The following GFM1 variants were observed in gnomAD, a reference collection of about 807,000 sequenced individuals.
GFM1 encodes G elongation factor mitochondrial 1.
GFM1 carries 62 observed loss-of-function variants against 96.2 expected under a neutral mutation model. The ratio of observed to expected loss-of-function variants is 0.64; its 90% CI spans 0.53 to 0.80. GFM1 has a LOEUF of 0.80. Ranked by LOEUF, GFM1 falls within the 30% of genes least tolerant of loss-of-function variation. GFM1 has a pLI of 0.00. For synonymous variants in GFM1, 282 were observed against 312.9 expected (o/e 0.90, Z 1.04); for missense variants, 852 against 916.6 (o/e 0.93, Z 0.91).
rs1263824820 is a variant in GFM1 at position 158,665,467 on chromosome 3, A to G, written c.1511A>G (p.Tyr504Cys). The G allele has an allele frequency of 1.2e-6, 2 of 1,609,722 alleles. No individual in the cohort carries two copies. Among genetic ancestry groups the G allele is most frequent in the East Asian group, 4.5e-5 (2 of 44,790 alleles). Reference protein sequence around the residue: ...SGMGELHLEIYAQRLEREYGC... With the variant: ...SGMGELHLEICAQRLEREYGC... ...ATGGGAGAATTACACCTGGAAATCT[A>G]TGCTCAGGTAATGAATAATAAGGAA... is the stretch of plus-strand genomic sequence containing the variant. Residue 504 changes from tyrosine (Y) to cysteine (C), a missense_variant, in exon 12 of 18, where the codon TAT becomes TGT. Coordinates refer to ENST00000486715, the MANE Select transcript of GFM1 (RefSeq NM_024996.7).
intron 9 of GFM1, 51 bp downstream of exon 9, chr3:158,659,110 T>C (rs763747215): frequency 1.4e-5 from 23 of 1,599,218 alleles, no homozygotes; most frequent in Non-Finnish European, 8.6e-6. Flanking sequence ...GTGGGTGAAA[T>C]AGACCCTTCT....
chr3:158,644,827 T>A (rs1026668201), intron 1 of GFM1, 112 bp downstream of exon 1: 4 of 872,834 alleles, frequency 4.6e-6, no homozygotes, highest in African/African-American at 3.3e-5. Context: ...CAGCTCCGAA[T>A]ACTGGCAGTC....
intron 14 of GFM1, among the ~76,000 whole-genome samples, chr3:158,684,138 G>A (rs978683077): frequency 6.6e-6 from 1 of 152,108 alleles, no homozygotes; most frequent in African/African-American, 2.4e-5. Flanking sequence ...GCTTATAAAT[G>A]AGAGCTAAAT....
intron 15 of GFM1, among the ~76,000 whole-genome samples, chr3:158,688,891 A>C (rs1032052426): frequency 2.6e-5 from 4 of 152,218 alleles, no homozygotes; most frequent in Admixed American, 2.0e-4. Context: ...CTGTTGTCAT[A>C]ATTATTGCAC....
chr3:158,650,418 C>G (rs1156419476), intron 5 of GFM1: 5 of 242,960 alleles, frequency 2.1e-5, no homozygotes, highest in African/African-American at 1.1e-4. Flanking sequence ...TTTCTGTTGT[C>G]AGAAGTAGAG....
intron 13 of GFM1, chr3:158,669,511 T>A: frequency 6.2e-7 from 1 of 1,613,988 alleles, no homozygotes. Flanking sequence ...TCATCTGGAT[T>A]CTTTCCAGTT....
rs1228810268 is a variant in GFM1, at chr3:158,644,541, G to C, written c.-94G>C. On this transcript the variant is annotated 5_prime_UTR_variant, in exon 1 of 18. Coordinates refer to ENST00000486715, the MANE Select transcript of GFM1 (RefSeq NM_024996.7). Reference sequence around the variant, plus strand: ...GCCCCGGAAGTGCTCTTACAACATTGGCTGCCGGCGTGACTTTGACCGCTT... The same window carrying C: ...GCCCCGGAAGTGCTCTTACAACATTCGCTGCCGGCGTGACTTTGACCGCTT... 5 of 976,662 alleles carry C rather than the reference G, an allele frequency of 5.1e-6. No individual in the cohort carries two copies. The highest frequency in any genetic ancestry group is 7.9e-6 in the Non-Finnish European group (5 of 630,706). 60.5% of individuals were successfully genotyped at this position (976,662 alleles called of 1,614,324 possible).
intron 15 of GFM1, among the ~76,000 whole-genome samples, chr3:158,687,818 T>C (rs1725986705): frequency 1.3e-5 from 2 of 152,056 alleles, no homozygotes; most frequent in Non-Finnish European, 2.9e-5. Context: ...TTAGAAAACA[T>C]TAGATTTGAA....
rs550318852 is a variant in GFM1, at chr3:158,695,188, A to G, written c.*3721A>G. Among the ~76,000 whole-genome samples the G allele has an allele frequency of 5.9e-5, 9 of 152,038 alleles. No homozygotes were observed. The highest frequency in any genetic ancestry group is 1.0e-4 in the Non-Finnish European group (7 of 68,024). Reference sequence around the variant, plus strand: ...CAGGAGTTCGAGACCACCCTGGCCAACACGGTGAAACCCCGTCTCTACTAT... The same window carrying G: ...CAGGAGTTCGAGACCACCCTGGCCAGCACGGTGAAACCCCGTCTCTACTAT... On this transcript the variant is annotated 3_prime_UTR_variant, in exon 18 of 18. Coordinates refer to ENST00000486715, the MANE Select transcript of GFM1 (RefSeq NM_024996.7).
In GFM1 at chr3:158,653,316, A is replaced by G; in HGVS notation, c.847A>G (p.Ile283Val). Reference protein sequence around the residue: ...IPSISDLKLAIRRATLKRSFT... With the variant: ...IPSISDLKLAVRRATLKRSFT... ...AAATTGTTTTCTTTTGTAGCTAGCA[A>G]TTCGAAGAGCTACTCTGAAAAGATC... The change falls in exon 7 of 18, where the codon ATT becomes GTT. Residue 283 changes from isoleucine (I) to valine (V), a missense_variant. Ile to Val is a conservative substitution (Grantham distance 29). Transcript: ENST00000486715. 1.9e-6 allele frequency: 3 copies of G among 1,612,938 alleles called. No individual in the cohort carries two copies. The highest frequency in any genetic ancestry group is 2.7e-5 in the African/African-American group (2 of 75,014).
intron 13 of GFM1, among the ~76,000 whole-genome samples, chr3:158,670,386 T>G (rs148353826): frequency 6.7e-4 from 102 of 152,336 alleles, no homozygotes; most frequent in African/African-American, 2.3e-3. Flanking sequence ...AAGAAGATGA[T>G]TGATTGGGGA....
At chr3:158,674,080 CTTTTT>C (rs397877329) in intron 13 of GFM1, among the ~76,000 whole-genome samples, 1 of 133,024 alleles carries the variant, frequency 7.5e-6, no homozygotes, top group Admixed American at 7.7e-5. Context: ...CACACATGAC[CTTTTT>C]TTTTTTTTTT....
chr3:158,646,708 C>G (rs1313912228), intron 3 of GFM1, 35 bp from the exon 4 acceptor site: 4 of 1,557,864 alleles, frequency 2.6e-6, no homozygotes, highest in Non-Finnish European at 3.5e-6. Flanking sequence ...ATTCAGATTG[C>G]TCTTTAAGAC....
At chr3:158,654,496 A>G in intron 7 of GFM1, 51 bp from the exon 8 acceptor site, 1 of 1,118,348 alleles carries the variant, frequency 8.9e-7, no homozygotes. Flanking sequence ...ATTGATATAA[A>G]AGAAATATCA....
At chr3:158,674,075 A>G (rs1361389490) in intron 13 of GFM1, among the ~76,000 whole-genome samples, 4 of 143,442 alleles carry the variant, frequency 2.8e-5, no homozygotes, top group Non-Finnish European at 4.5e-5. Context: ...TCTTTCACAC[A>G]TGACCTTTTT....
At chr3:158,652,310 A>T in intron 6 of GFM1, 64 bp downstream of exon 6, 1 of 1,380,062 alleles carries the variant, frequency 7.2e-7, no homozygotes, top group South Asian at 1.2e-5. Context: ...TTTTGTAGGG[A>T]GGGGACATGA....
intron 8 of GFM1, chr3:158,655,920 G>A (rs1722713433): frequency 2.2e-6 from 1 of 457,216 alleles, no homozygotes; most frequent in Admixed American, 2.3e-5. Flanking sequence ...GGCTGTAATA[G>A]TTTCTTAGAC....
At chr3:158,644,820 C>G (rs1430717556) in intron 1 of GFM1, 105 bp downstream of exon 1, 17 of 909,844 alleles carry the variant, frequency 1.9e-5, no homozygotes, top group Middle Eastern at 2.1e-4. Flanking sequence ...TGACTGACAG[C>G]TCCGAATACT....
chr3:158,658,728 G>A (rs1428341499), intron 8 of GFM1, among the ~76,000 whole-genome samples, 194 bp from the exon 9 acceptor site: 1 of 152,172 alleles, frequency 6.6e-6, no homozygotes, highest in Non-Finnish European at 1.5e-5. Flanking sequence ...ATACCAAAAG[G>A]ATTGATGAAT....
Sources: allele counts gnomAD v4.1 joint callset (sites outside exome capture counted in the v4.1 genomes callset), GRCh38; gene constraint gnomAD v4.1.1; transcripts MANE v1.5; gene names NCBI Gene and HGNC (gene_info 2026-07-23, HGNC 2026-07-21).